SEC14L3: variants seen among roughly 807,000 people sequenced by gnomAD.
SEC14L3 encodes the protein SEC14 like lipid binding 3.
A neutral mutation model predicts 57.4 loss-of-function variants in SEC14L3; 56 were observed. The observed-to-expected ratio is 0.97, with a 90% CI of 0.79 to 1.22. The LOEUF is 1.22. Ranked by LOEUF, SEC14L3 falls within the 50% of genes most tolerant of loss-of-function variation. The probability of loss-of-function intolerance (pLI) is 0.00; values close to 1 mark genes in which losing one functional copy is unlikely to be tolerated. For synonymous variants in SEC14L3, 173 were observed against 194.4 expected (o/e 0.89, Z 0.92); for missense variants, 485 against 511.7 (o/e 0.95, Z 0.50).
At chr22:30,465,755 C>T (rs1250084032) in intron 7 of SEC14L3, among the ~76,000 whole-genome samples, 1 of 152,232 alleles carries the variant, frequency 6.6e-6, no homozygotes, top group Non-Finnish European at 1.5e-5. Flanking sequence ...AGTTAGTCAA[C>T]TAGCCAAGCA....
chr22:30,466,965 C>G lies in SEC14L3; in HGVS notation c.519+17G>C, dbSNP rs368660045. On this transcript the variant is annotated intron_variant, in intron 6 of 11. Transcript: ENST00000215812. ...TCATCAAAGCAAGCGGGGGGTGGCCCTAGGACTTCTCCTTACCTCCTGGTA... is the reference window on the plus strand; with the variant it reads ...TCATCAAAGCAAGCGGGGGGTGGCCGTAGGACTTCTCCTTACCTCCTGGTA... 2.3e-5 allele frequency: 37 copies of G among 1,610,860 alleles called. No homozygotes were observed. Among genetic ancestry groups the G allele is most frequent in the Non-Finnish European group, 2.9e-5 (34 of 1,178,528 alleles).
intron 5 of SEC14L3, among the ~76,000 whole-genome samples, chr22:30,467,480 A>T (rs1432568142): frequency 6.6e-6 from 1 of 152,262 alleles, no homozygotes; most frequent in Non-Finnish European, 1.5e-5. Context: ...TGTAATGAAT[A>T]GTGCCTAATA....
At chr22:30,471,349 G>A (rs1935605233) in intron 1 of SEC14L3, 1 of 447,424 alleles carries the variant, frequency 2.2e-6, no homozygotes, top group Non-Finnish European at 4.5e-6. Context: ...TTGGAGTTTG[G>A]ATGCATTCTT....
At chr22:30,464,192 G>A (rs1030540200) in intron 8 of SEC14L3, among the ~76,000 whole-genome samples, 7 of 152,100 alleles carry the variant, frequency 4.6e-5, no homozygotes, top group African/African-American at 1.4e-4. Context: ...CTTTCTGCTC[G>A]TCTGCCTCAT....
Position 30,471,441 on chromosome 22 carries a change from T to A in SEC14L3, c.54+464A>T, listed in dbSNP as rs190048183. Among the ~76,000 whole-genome samples, 116 of 152,326 alleles carry A rather than the reference T, an allele frequency of 7.6e-4. 2 individuals carry two copies. The highest frequency in any genetic ancestry group is 2.6e-3 in the African/African-American group (108 of 41,578). ...TTAAAACATGGTTAATAATTATATG[T>A]CCTCTTCTTCCTTTAGCTCTTTGAA... is the stretch of plus-strand genomic sequence containing the variant. On this transcript the variant is annotated intron_variant, in intron 1 of 11. Coordinates refer to ENST00000215812, the MANE Select transcript of SEC14L3 (RefSeq NM_174975.5).
chr22:30,464,337 A>C (rs1274500589), intron 8 of SEC14L3, among the ~76,000 whole-genome samples: 1 of 152,206 alleles, frequency 6.6e-6, no homozygotes, highest in Non-Finnish European at 1.5e-5. Context: ...TTGTCCACCA[A>C]AGGGGTATGG....
At chr22:30,454,806 T>TATAATA (rs1935065568), downstream of SEC14L3, among the ~76,000 whole-genome samples, 1 of 47,166 alleles carries the variant, frequency 2.1e-5, no homozygotes, top group African/African-American at 1.3e-4. Context: ...TTGTATATTA[T>TATAATA]ATATTTTATA....
chr22:30,456,300 A>C (rs1601811778), downstream of SEC14L3, among the ~76,000 whole-genome samples: 1 of 19,074 alleles, frequency 5.2e-5, no homozygotes, highest in African/African-American at 5.3e-4. Context: ...CCCTGTCTCC[A>C]AAAAAAAAAA....
At position 30,450,226 on chromosome 22, in the gene SEC14L3, C is replaced by T. The variant is rs565903697; in HGVS notation, c.905-982G>A. 1.0e-3 allele frequency among the ~76,000 whole-genome samples: 153 copies of T among 152,294 alleles called. 1 individual carries two copies. Among genetic ancestry groups the T allele is most frequent in the African/African-American group, 3.5e-3 (147 of 41,558 alleles). ...CGAGCCCTCTCACCCAGCTCTTCCA[C>T]GGCCCCTACTTCTGGGTTTACCTCA... On this transcript the variant is annotated intron_variant, in intron 12 of 12. Transcript: ENST00000403066.
At chr22:30,453,644 C>T (rs958094699) in intron 12 of SEC14L3, among the ~76,000 whole-genome samples, 9 of 152,324 alleles carry the variant, frequency 5.9e-5, no homozygotes, top group Middle Eastern at 6.8e-3. Flanking sequence ...AACTCCCGAC[C>T]TCAAATGATC....
At chr22:30,471,827 C>T in intron 1 of SEC14L3, 78 bp downstream of exon 1, 1 of 1,585,158 alleles carries the variant, frequency 6.3e-7, no homozygotes, top group Non-Finnish European at 8.7e-7. Context: ...CTGAGTGGGG[C>T]AGGATTCCAG....
chr22:30,453,449 G>A (rs1271703690), intron 12 of SEC14L3, among the ~76,000 whole-genome samples: 6 of 152,106 alleles, frequency 3.9e-5, no homozygotes, highest in Non-Finnish European at 5.9e-5. Flanking sequence ...GTCTCGCTCC[G>A]TTGCCCAGGC....
chr22:30,456,670 A>C (rs538170380), downstream of SEC14L3, among the ~76,000 whole-genome samples: 1 of 152,302 alleles, frequency 6.6e-6, no homozygotes, highest in East Asian at 1.9e-4. Flanking sequence ...ATCGGGGGCC[A>C]CATTTCCTCC....
chr22:30,467,004 G>T lies in SEC14L3; in HGVS notation c.497C>A (p.Pro166His). ...TACCTCCTGGTACACTTCTACCAGA[G>T]GTTTCCAGAAGTGTTTCAGTCCCAG... ...EGLGLKHFWK[P>H]LVEVYQEFFG... Residue 166 changes from proline to histidine, a missense_variant, in exon 6 of 12, where the codon CCT (proline) becomes CAT (histidine). Transcript: ENST00000215812. The T allele has an allele frequency of 6.2e-7, 1 of 1,614,030 alleles. No individual in the cohort carries two copies. The highest frequency in any genetic ancestry group is 1.7e-4 in the Middle Eastern group (1 of 6,040).
At chr22:30,471,382 T>C in intron 1 of SEC14L3, 1 of 407,444 alleles carries the variant, frequency 2.5e-6, no homozygotes, top group Non-Finnish European at 4.8e-6. Flanking sequence ...GTGTTAGCCC[T>C]CAAAACATCT....
In SEC14L3 at chr22:30,469,876, C is replaced by T. The variant is rs527612612; in HGVS notation, c.234+143G>A. ...CTGGACCTTGCAAGCCCCCAGGAAA[C>T]ATTCATTATGACTGTAGGAAAGGAG... On this transcript the variant is annotated intron_variant, in intron 4 of 11. Transcript: ENST00000215812. 2.5e-5 allele frequency: 16 copies of T among 638,996 alleles called. No individual in the cohort carries two copies. In the South Asian group the frequency reaches 3.5e-4, roughly 14 times the overall value. The allele number at this position is 638,996 out of a possible 1,614,324, so 39.6% of individuals were successfully genotyped here.
chr22:30,467,073 C>T lies in SEC14L3; in HGVS notation c.428G>A (p.Gly143Glu), dbSNP rs558774611. The change falls in exon 6 of 12, where the codon GGG becomes GAG. Residue 143 changes from glycine (G) to glutamate (E), a missense_variant. Gly to Glu is a moderately conservative substitution (Grantham distance 98). Coordinates refer to ENST00000215812, the MANE Select transcript of SEC14L3 (RefSeq NM_174975.5). ...CATCACGATGGTCTCAATCTTCTTC[C>T]CTAGCTGCAAGGATGAGAGCAAGAA... The part of the protein sequence containing the change: ...HECDLQTERL[G>E]KKIETIVMIF... The T allele has an allele frequency of 1.9e-6, 3 of 1,614,040 alleles. No individual in the cohort carries two copies. The highest frequency in any genetic ancestry group is 2.2e-5 in the East Asian group (1 of 44,882).
intron 8 of SEC14L3, among the ~76,000 whole-genome samples, chr22:30,463,041 A>T (rs2048505629): frequency 6.6e-6 from 1 of 152,166 alleles, no homozygotes; most frequent in Non-Finnish European, 1.5e-5. Context: ...AGCCAACAGC[A>T]CATTCTTGAA....
downstream of SEC14L3, among the ~76,000 whole-genome samples, chr22:30,456,708 A>G (rs1935126239): frequency 6.6e-6 from 1 of 151,898 alleles, no homozygotes; most frequent in South Asian, 2.1e-4. Flanking sequence ...AAATATCCAA[A>G]CTCTATTAGT....
Sources: gnomAD v4.1 joint callset for allele counts (sites outside exome capture counted in the v4.1 genomes callset) on GRCh38, gnomAD v4.1.1 for gene constraint, MANE v1.5 for transcripts, NCBI Gene and HGNC (gene_info 2026-07-23, HGNC 2026-07-21) for gene names.